MAP4K3: variants seen among roughly 807,000 people sequenced by gnomAD.
MAP4K3 encodes the protein MAPK/ERK kinase kinase kinase 3.
A neutral mutation model predicts 143.5 loss-of-function variants in MAP4K3; 94 were observed. The observed-to-expected ratio is 0.65, with a 90% CI of 0.55 to 0.78. The LOEUF is 0.78. Among genes scored for constraint, MAP4K3 ranks in the 30% least tolerant of loss-of-function variants. The pLI, the probability that MAP4K3 is intolerant of heterozygous loss-of-function variation, is 0.00. For synonymous variants in MAP4K3, 416 were observed against 347.2 expected (o/e 1.20, Z -2.20); for missense variants, 1,077 against 1,068.1 (o/e 1.01, Z -0.12).
intron 1 of MAP4K3, among the ~76,000 whole-genome samples, chr2:39,418,712 C>T (rs903769699): frequency 1.6e-4 from 24 of 151,714 alleles, no homozygotes; most frequent in African/African-American, 5.6e-4. Context: ...AATCTATAAC[C>T]GCAATCTAAC....
At chr2:39,352,358 G>A (rs1665485094) in intron 3 of MAP4K3, among the ~76,000 whole-genome samples, 1 of 152,130 alleles carries the variant, frequency 6.6e-6, no homozygotes, top group East Asian at 1.9e-4. Context: ...AGCTTGAGAG[G>A]AATGTCTCCA....
At position 39,307,977 on chromosome 2, in the gene MAP4K3, G is replaced by T; in HGVS notation, c.1085C>A (p.Ser362Ter). ...LPDSDGFLDS[S>*]EEIYYTARSN... ...TCTTGCAGTGTAGTATATTTCTTCT[G>T]AACTGTCCAAAAAACCATCACTGTC... The change falls in exon 15 of 34, where the codon TCA becomes TAA. Residue 362 changes from serine (S) to a stop codon, truncating the protein, a stop_gained. Transcript: ENST00000263881. LOFTEE classifies it high-confidence loss of function. The T allele has an allele frequency of 6.3e-7, 1 of 1,598,078 alleles. No homozygotes were observed. The highest frequency in any genetic ancestry group is 8.5e-7 in the Non-Finnish European group (1 of 1,172,644).
At position 39,272,322 on chromosome 2, in the gene MAP4K3, G is replaced by A. The variant is rs1280966964; in HGVS notation, c.1934C>T (p.Ala645Val). The part of the protein sequence containing the change: ...YARQMQKLPV[A>V]IPAHKLPDRI... ...GTCAGGGAGTTTGTGTGCTGGAATA[G>A]CAACAGGTAACTTTTGCATTTGTCT... Residue 645 changes from alanine (A) to valine (V), a missense_variant, in exon 26 of 34, where the codon GCT becomes GTT. Ala to Val is a moderately conservative substitution (Grantham distance 64). This residue lies in a region of MAP4K3 where 864 missense variants were observed against 801.2 expected (regional missense o/e 1.08). Transcript: ENST00000263881. The A allele has an allele frequency of 1.2e-6, 2 of 1,613,784 alleles. No homozygotes were observed. Among genetic ancestry groups the A allele is most frequent in the Admixed American group, 3.3e-5 (2 of 60,008 alleles).
In MAP4K3 at chr2:39,356,469, A is replaced by G. The variant is rs1665614194; in HGVS notation, c.155-130T>C. On this transcript the variant is annotated intron_variant, in intron 2 of 33. Coordinates refer to ENST00000263881, the MANE Select transcript of MAP4K3 (RefSeq NM_003618.4). ...AATTAATGAGTTATAAATAAAACATAGCCAATAAGTTAATGGTATTACTTT... is the reference window on the plus strand; with the variant it reads ...AATTAATGAGTTATAAATAAAACATGGCCAATAAGTTAATGGTATTACTTT... 44 of 599,604 alleles carry G rather than the reference A, an allele frequency of 7.3e-5. 3 individuals are homozygous for G. In the South Asian group the frequency reaches 9.0e-4, roughly 12 times the overall value. 37.1% of individuals were successfully genotyped at this position (599,604 alleles called of 1,614,324 possible).
chr2:39,305,922 C>A (rs536207889), intron 15 of MAP4K3, among the ~76,000 whole-genome samples: 4 of 152,082 alleles, frequency 2.6e-5, no homozygotes, highest in Non-Finnish European at 4.4e-5. Flanking sequence ...CTCCGCCTCC[C>A]AGGTTCAAGG....
chr2:39,305,509 G>C (rs13405577), intron 15 of MAP4K3, among the ~76,000 whole-genome samples: 104,056 of 152,142 alleles, frequency 0.68, 39,415 homozygotes, highest in Non-Finnish European at 0.84. Context: ...TTAGAATAAT[G>C]CCTGGTATAT....
Position 39,433,921 on chromosome 2 carries a change from T to G in MAP4K3, c.96+2971A>C, listed in dbSNP as rs560678865. Among the ~76,000 whole-genome samples the G allele has an allele frequency of 2.6e-5, 4 of 152,330 alleles. No individual in the cohort carries two copies. In the South Asian group the frequency reaches 8.3e-4, roughly 32 times the overall value. ...TCAATACCAAAAGAAGAAGGGCATATGATGGTAATAATATCTCCACAACAA... is the reference window on the plus strand; with the variant it reads ...TCAATACCAAAAGAAGAAGGGCATAGGATGGTAATAATATCTCCACAACAA... On this transcript the variant is annotated intron_variant, in intron 1 of 33. Coordinates refer to ENST00000263881, the MANE Select transcript of MAP4K3 (RefSeq NM_003618.4).
At chr2:39,427,520 TA>T (rs1348788740) in intron 1 of MAP4K3, among the ~76,000 whole-genome samples, 2 of 151,996 alleles carry the variant, frequency 1.3e-5, no homozygotes, top group Non-Finnish European at 2.9e-5. Context: ...AGAACCAAAG[TA>T]AGAGACAACA....
chr2:39,418,531 A>G (rs1033083522), intron 1 of MAP4K3, among the ~76,000 whole-genome samples: 9 of 152,184 alleles, frequency 5.9e-5, no homozygotes, highest in African/African-American at 2.2e-4. Context: ...CAAACAGAAC[A>G]AAATGGAAAA....
chr2:39,313,474 C>T (rs13000942), intron 13 of MAP4K3, among the ~76,000 whole-genome samples: 4 of 150,830 alleles, frequency 2.7e-5, no homozygotes, highest in Non-Finnish European at 5.9e-5. Flanking sequence ...TTCCTTCCTT[C>T]CTTTCTTTTT....
intron 1 of MAP4K3, among the ~76,000 whole-genome samples, chr2:39,394,730 C>A (rs972020762): frequency 6.6e-6 from 1 of 152,028 alleles, no homozygotes; most frequent in African/African-American, 2.4e-5. Context: ...ACGAAGAGGG[C>A]AACTTCAGGG....
intron 1 of MAP4K3, among the ~76,000 whole-genome samples, chr2:39,406,434 A>G (rs1667094831): frequency 6.6e-6 from 1 of 152,194 alleles, no homozygotes; most frequent in East Asian, 1.9e-4. Flanking sequence ...AAGACATTGA[A>G]TACTCCAAAC....
At chr2:39,364,748 A>T (rs1441813708) in intron 2 of MAP4K3, among the ~76,000 whole-genome samples, 1 of 152,044 alleles carries the variant, frequency 6.6e-6, no homozygotes, top group African/African-American at 2.4e-5. Context: ...TATGCCTATA[A>T]TCCCAGCTAC....
At chr2:39,397,680 C>G (rs1666845494) in intron 1 of MAP4K3, among the ~76,000 whole-genome samples, 1 of 152,034 alleles carries the variant, frequency 6.6e-6, no homozygotes, top group Admixed American at 6.6e-5. Flanking sequence ...AAATGAAGAG[C>G]AATGAGAAAA....
chr2:39,286,468 C>T (rs558822063), intron 21 of MAP4K3, among the ~76,000 whole-genome samples: 1 of 152,294 alleles, frequency 6.6e-6, no homozygotes, highest in Admixed American at 6.5e-5. Flanking sequence ...TATCTATGTC[C>T]TTCTTTCCGT....
intron 28 of MAP4K3, among the ~76,000 whole-genome samples, chr2:39,264,978 C>T (rs1362125699): frequency 6.6e-6 from 1 of 152,128 alleles, no homozygotes; most frequent in Non-Finnish European, 1.5e-5. Flanking sequence ...GACACTATTT[C>T]CAGCTCCCCA....
At chr2:39,338,826 G>A (rs1193610874) in intron 4 of MAP4K3, among the ~76,000 whole-genome samples, 1 of 152,118 alleles carries the variant, frequency 6.6e-6, no homozygotes, top group Non-Finnish European at 1.5e-5. Flanking sequence ...GCCATGTGAG[G>A]ACACAGTGTG....
chr2:39,318,529 C>T (rs186175509), intron 12 of MAP4K3, among the ~76,000 whole-genome samples: 3 of 152,122 alleles, frequency 2.0e-5, no homozygotes, highest in Non-Finnish European at 2.9e-5. Context: ...ATGTAATACA[C>T]ACTAACCATA....
intron 24 of MAP4K3, among the ~76,000 whole-genome samples, chr2:39,278,012 T>C (rs1454237366): frequency 6.6e-6 from 1 of 151,242 alleles, no homozygotes; most frequent in Admixed American, 6.6e-5. Context: ...CCAGGCATGG[T>C]GGCTCATGTC....
Sources: allele counts gnomAD v4.1 joint callset (sites outside exome capture counted in the v4.1 genomes callset), GRCh38; gene constraint gnomAD v4.1.1; regional missense constraint gnomAD v4.1.1; transcripts MANE v1.5; gene names NCBI Gene and HGNC (gene_info 2026-07-23, HGNC 2026-07-21).